SMUG1: variants seen among roughly 807,000 people sequenced by gnomAD.
SMUG1 encodes single-strand selective monofunctional uracil DNA glycosylase.
In SMUG1, 13 loss-of-function variants were observed where a neutral mutation model predicts 23.9. That is an observed-to-expected ratio of 0.54 (90% confidence interval 0.35 to 0.86). The LOEUF (loss-of-function observed/expected upper bound fraction) is 0.86, where lower values mean the gene tolerates loss of function less well. Among genes scored for constraint, SMUG1 ranks in the 40% least tolerant of loss-of-function variants. SMUG1 has a pLI of 0.01. For missense variants in SMUG1, 313 were observed against 339.5 expected (o/e 0.92, Z 0.61); for synonymous variants, 133 against 139.8 (o/e 0.95, Z 0.34).
At chr12:54,188,186 GGAATCGAAATCACATA>G (rs1480587754) in intron 1 of SMUG1, among the ~76,000 whole-genome samples, 1 of 151,392 alleles carries the variant, frequency 6.6e-6, no homozygotes, top group African/African-American at 2.4e-5. Flanking sequence ...AAGTGAGGAA[GGAATCGAAATCACATA>G]TGCACTCCCC....
intron 3 of SMUG1, among the ~76,000 whole-genome samples, chr12:54,169,773 A>T (rs1940567472): frequency 2.6e-5 from 4 of 152,090 alleles, no homozygotes. Flanking sequence ...AAAATCAGGT[A>T]CTCAGTAAAA....
rs115456533 is a variant in SMUG1 at position 54,166,088 on chromosome 12, C to A, written c.*53-610G>T. Among the ~76,000 whole-genome samples, 452 of 152,312 alleles carry A rather than the reference C, an allele frequency of 3.0e-3. 3 individuals carry two copies. The highest frequency in any genetic ancestry group is 0.01 in the African/African-American group (434 of 41,564). ...ATATAAAAGTTGGAGCCCGGTGGAG[C>A]GCAGTGGCTCACGCCTGTAATCCCA... On this transcript the variant is annotated intron_variant and NMD_transcript_variant, in intron 3 of 4. Coordinates refer to the SMUG1 transcript ENST00000509864.
At position 54,187,802 on chromosome 12, in the gene SMUG1, A is replaced by C. The variant is rs1281964079; in HGVS notation, c.-20+17T>G. The C allele has an allele frequency of 6.6e-6, 1 of 150,920 alleles. No individual in the cohort carries two copies. The highest frequency in any genetic ancestry group is 2.4e-5 in the African/African-American group (1 of 40,972). The allele number at this position is 150,920 out of a possible 1,614,324, so 9.3% of individuals were successfully genotyped here. ...CTGTTAACTCATTTTTTTTTTCAAT[A>C]CTTATGAGTCTCTTACATGACAGGC... is the stretch of plus-strand genomic sequence containing the variant. On this transcript the variant is annotated intron_variant, in intron 2 of 3. Transcript: ENST00000682136.
chr12:54,179,041 CTCTTAAGT>C (rs1364474919), downstream of SMUG1, among the ~76,000 whole-genome samples: 1 of 152,172 alleles, frequency 6.6e-6, no homozygotes, highest in East Asian at 1.9e-4. Flanking sequence ...ACACATTAGA[CTCTTAAGT>C]TCTTCAGCTT....
intron 3 of SMUG1, among the ~76,000 whole-genome samples, chr12:54,167,123 C>T (rs566581554): frequency 1.1e-3 from 171 of 152,248 alleles, no homozygotes; most frequent in African/African-American, 3.9e-3. Flanking sequence ...ATCAAACTGA[C>T]GGACATTCCT....
chr12:54,178,931 T>C (rs1940818119), downstream of SMUG1, among the ~76,000 whole-genome samples: 1 of 152,162 alleles, frequency 6.6e-6, no homozygotes, highest in Admixed American at 6.5e-5. Flanking sequence ...AACTGGCTGC[T>C]AGGGCGGCTA....
downstream of SMUG1, among the ~76,000 whole-genome samples, chr12:54,160,119 G>A (rs1337575427): frequency 8.5e-5 from 13 of 152,218 alleles, no homozygotes; most frequent in Non-Finnish European, 1.8e-4. Context: ...CCAGCTGAAT[G>A]GGCAGGGACC....
intron 3 of SMUG1, chr12:54,165,607 G>A (rs1940429585): frequency 6.6e-6 from 1 of 152,208 alleles, no homozygotes; most frequent in Non-Finnish European, 1.5e-5. Flanking sequence ...AGGAGTTTGA[G>A]GCTGCAGTGA....
At chr12:54,171,665 A>G (rs181533496) in intron 3 of SMUG1, among the ~76,000 whole-genome samples, 1 of 147,886 alleles carries the variant, frequency 6.8e-6, no homozygotes. Flanking sequence ...CCAGCCTGGC[A>G]ACAGAGCTAG....
At chr12:54,160,245 C>A (rs912047735), downstream of SMUG1, among the ~76,000 whole-genome samples, 3 of 152,238 alleles carry the variant, frequency 2.0e-5, no homozygotes, top group Non-Finnish European at 4.4e-5. Flanking sequence ...TATGCAAATG[C>A]CCTCATTAGA....
chr12:54,161,668 C>A (rs1157692245), downstream of SMUG1, among the ~76,000 whole-genome samples: 1 of 152,226 alleles, frequency 6.6e-6, no homozygotes, highest in Admixed American at 6.5e-5. This position sits in a 1 kb window ranked among gnomAD's most constrained non-coding sequence, Gnocchi z 4.2. Flanking sequence ...CCGCCTCTCT[C>A]CTTTACCTTT....
chr12:54,171,518 C>T (rs986539376), intron 3 of SMUG1, among the ~76,000 whole-genome samples: 1 of 151,134 alleles, frequency 6.6e-6, no homozygotes, highest in Non-Finnish European at 1.5e-5. Flanking sequence ...GGTGAAACCC[C>T]GTCTCTACTA....
At chr12:54,172,423 T>C (rs1035680880) in intron 2 of SMUG1, 1 of 216,156 alleles carries the variant, frequency 4.6e-6, no homozygotes, top group Non-Finnish European at 9.9e-6. Context: ...CAGCTCCATA[T>C]GTTGGGGCGC....
At chr12:54,166,824 C>G (rs1344788957) in intron 3 of SMUG1, among the ~76,000 whole-genome samples, 1 of 152,128 alleles carries the variant, frequency 6.6e-6, no homozygotes, top group Admixed American at 6.5e-5. Context: ...GGGAAAACCC[C>G]AGACTTGCAA....
chr12:54,175,318 A>G (rs917779845), intron 2 of SMUG1, among the ~76,000 whole-genome samples: 1 of 152,120 alleles, frequency 6.6e-6, no homozygotes, highest in Non-Finnish European at 1.5e-5. Context: ...GCAGTTTTCC[A>G]TCCCCAAAGT....
chr12:54,174,420 G>A (rs967821424), intron 2 of SMUG1, among the ~76,000 whole-genome samples: 2 of 152,236 alleles, frequency 1.3e-5, no homozygotes, highest in African/African-American at 4.8e-5. Context: ...ACCAGAAAGA[G>A]CTTCTGAAGA....
chr12:54,163,497 T>C (rs1456259692), downstream of SMUG1, among the ~76,000 whole-genome samples: 1 of 152,214 alleles, frequency 6.6e-6, no homozygotes, highest in Non-Finnish European at 1.5e-5. Context: ...TCATATAAAA[T>C]AAAGTCTTGA....
chr12:54,179,861 G>A (rs1940847457), downstream of SMUG1, among the ~76,000 whole-genome samples: 1 of 152,170 alleles, frequency 6.6e-6, no homozygotes. Flanking sequence ...ATCAGAACCA[G>A]CCAAATGAAG....
At chr12:54,167,507 G>GTAGA (rs1033231585) in intron 3 of SMUG1, among the ~76,000 whole-genome samples, 1 of 152,188 alleles carries the variant, frequency 6.6e-6, no homozygotes, top group African/African-American at 2.4e-5. Flanking sequence ...AGGTAAATCA[G>GTAGA]TAGATGGCAA....
Sources: allele counts gnomAD v4.1 joint callset (sites outside exome capture counted in the v4.1 genomes callset), GRCh38; gene constraint gnomAD v4.1.1; non-coding constraint Gnocchi (gnomAD v3.1); transcripts MANE v1.5; gene names NCBI Gene and HGNC (gene_info 2026-07-23, HGNC 2026-07-21).